Variants in ARL5A observed in about 807,000 individuals in gnomAD.
ARL5A encodes ADP-ribosylation factor-like protein 5A.
A neutral mutation model predicts 25.9 loss-of-function variants in ARL5A; 18 were observed. The ratio of observed to expected loss-of-function variants is 0.69; its 90% CI spans 0.48 to 1.03. The LOEUF is 1.03. ARL5A is among the 50% of genes least tolerant of loss of function. The pLI is 0.00. For missense variants in ARL5A, 170 were observed against 211.9 expected (o/e 0.80, Z 1.23); for synonymous variants, 61 against 67.5 (o/e 0.90, Z 0.47).
intron 3 of ARL5A, among the ~76,000 whole-genome samples, chr2:151,812,729 A>G (rs550468173): frequency 6.8e-4 from 104 of 152,280 alleles, no homozygotes; most frequent in African/African-American, 2.4e-3. Flanking sequence ...ACCTATATCT[A>G]TCTATTTGCA....
chr2:151,828,068 C>T (rs1284972598), intron 1 of ARL5A, 63 bp downstream of exon 1: 9 of 1,561,152 alleles, frequency 5.8e-6, no homozygotes, highest in Non-Finnish European at 7.9e-6. Flanking sequence ...TCGGAGACCC[C>T]CACCTAGCCG....
chr2:151,822,193 A>G lies in ARL5A; in HGVS notation c.46+5938T>C, dbSNP rs142648720. The stretch of plus-strand genomic sequence containing the variant: ...CTGGCCTAATTTTTGTATTTTTAGT[A>G]GAGATAGGGGTTTTGCCATGTTGGC... On this transcript the variant is annotated intron_variant, in intron 1 of 5. Transcript: ENST00000295087. Among the ~76,000 whole-genome samples, 12 of 152,050 alleles carry G rather than the reference A, an allele frequency of 7.9e-5. No individual in the cohort carries two copies. The East Asian group carries it at 2.3e-3, about 29-fold the overall frequency.
chr2:151,814,854 G>C (rs368115870), intron 2 of ARL5A, among the ~76,000 whole-genome samples: 2 of 152,052 alleles, frequency 1.3e-5, no homozygotes, highest in Non-Finnish European at 2.9e-5. Flanking sequence ...TGGGATAAAG[G>C]CATGAGGCAC....
At chr2:151,821,037 T>G (rs1246319831) in intron 1 of ARL5A, among the ~76,000 whole-genome samples, 1 of 152,224 alleles carries the variant, frequency 6.6e-6, no homozygotes, top group South Asian at 2.1e-4. Context: ...GTGACAAAGC[T>G]AGCTAAGCCT....
chr2:151,805,278 G>GT (rs1559817617), intron 5 of ARL5A, among the ~76,000 whole-genome samples: 1 of 151,794 alleles, frequency 6.6e-6, no homozygotes, highest in Non-Finnish European at 1.5e-5. Flanking sequence ...CCAAATGTCA[G>GT]TAACAGTGCC....
intron 1 of ARL5A, among the ~76,000 whole-genome samples, chr2:151,822,992 A>G (rs566214657): frequency 6.6e-6 from 1 of 152,356 alleles, no homozygotes; most frequent in African/African-American, 2.4e-5. Context: ...CATAATAATA[A>G]TTGTTATTGT....
At chr2:151,819,459 A>T (rs2099831958) in intron 1 of ARL5A, among the ~76,000 whole-genome samples, 1 of 151,632 alleles carries the variant, frequency 6.6e-6, no homozygotes, top group African/African-American at 2.4e-5. Flanking sequence ...AATGAGTGCC[A>T]TTTTTTTTTT....
At position 151,820,962 on chromosome 2, in the gene ARL5A, C is replaced by T. The variant is rs890400514; in HGVS notation, c.47-5763G>A. 2.6e-5 allele frequency among the ~76,000 whole-genome samples: 4 copies of T among 152,166 alleles called. No individual in the cohort carries two copies. The East Asian group carries it at 5.8e-4, about 22-fold the overall frequency. On this transcript the variant is annotated intron_variant, in intron 1 of 5. Coordinates refer to ENST00000295087, the MANE Select transcript of ARL5A (RefSeq NM_012097.4). ...TGGAGGACCCATAACCTTCTGTCTG[C>T]ACCTGAAAGTGAATAACTAAATCCA...
intron 1 of ARL5A, among the ~76,000 whole-genome samples, chr2:151,821,918 C>T (rs1252255371): frequency 1.3e-5 from 2 of 151,138 alleles, no homozygotes; most frequent in South Asian, 2.1e-4. Flanking sequence ...GGCATGATCT[C>T]GGCTCACTGC....
chr2:151,816,088 C>T (rs372901793), intron 1 of ARL5A, among the ~76,000 whole-genome samples: 1 of 152,160 alleles, frequency 6.6e-6, no homozygotes, highest in African/African-American at 2.4e-5. Context: ...AATGACCAGA[C>T]GTGATTTCTG....
At chr2:151,822,215 T>C (rs914698661) in intron 1 of ARL5A, among the ~76,000 whole-genome samples, 1 of 152,180 alleles carries the variant, frequency 6.6e-6, no homozygotes, top group African/African-American at 2.4e-5. Context: ...TTTGCCATGT[T>C]GGCCAAGCTG....
chr2:151,809,420 CTTTAA>C (rs941270362), intron 4 of ARL5A, among the ~76,000 whole-genome samples: 1 of 152,186 alleles, frequency 6.6e-6, no homozygotes, highest in Non-Finnish European at 1.5e-5. Flanking sequence ...AAGGTTCAAA[CTTTAA>C]TTTAGAGTTC....
intron 1 of ARL5A, among the ~76,000 whole-genome samples, chr2:151,820,733 G>A (rs1284290969): frequency 4.0e-5 from 6 of 149,216 alleles, no homozygotes; most frequent in East Asian, 1.9e-4. Context: ...AGAGAAAAGC[G>A]TGTCGGAGAC....
At position 151,800,242 on chromosome 2, in the gene ARL5A, G is replaced by A. The variant is rs1326487230; in HGVS notation, c.*3034C>T. 8.6e-5 allele frequency: 3 copies of A among 35,020 alleles called. No homozygotes were observed. Among genetic ancestry groups the A allele is most frequent in the Non-Finnish European group, 2.3e-4 (2 of 8,824 alleles). 2.2% of individuals were successfully genotyped at this position (35,020 alleles called of 1,614,324 possible). A position where few individuals can be genotyped will look rare whatever the true frequency, so the allele number is the denominator to read the frequency against. On this transcript the variant is annotated 3_prime_UTR_variant, in exon 6 of 6. Transcript: ENST00000295087. ...GTCTGTACTGTATGTGGTTGCTGTAGTGACAAGAAATGTAAAGTGCCTATA... is the reference window on the plus strand; with the variant it reads ...GTCTGTACTGTATGTGGTTGCTGTAATGACAAGAAATGTAAAGTGCCTATA...
chr2:151,818,148 A>G (rs764125810), intron 1 of ARL5A, among the ~76,000 whole-genome samples: 7 of 152,252 alleles, frequency 4.6e-5, no homozygotes, highest in Non-Finnish European at 8.8e-5. Context: ...AAATGTTGAA[A>G]AATGAATGAC....
At chr2:151,826,320 G>A (rs979091605) in intron 1 of ARL5A, among the ~76,000 whole-genome samples, 2 of 152,048 alleles carry the variant, frequency 1.3e-5, no homozygotes, top group African/African-American at 4.8e-5. Context: ...CCGCCAAACT[G>A]CCATAAATGT....
chr2:151,805,590 T>C (rs1278523123), intron 5 of ARL5A, among the ~76,000 whole-genome samples: 3 of 152,190 alleles, frequency 2.0e-5, no homozygotes, highest in South Asian at 2.1e-4. Flanking sequence ...TACACAAACC[T>C]AGATGGTATA....
chr2:151,807,690 G>A (rs985990241), intron 4 of ARL5A, among the ~76,000 whole-genome samples: 1 of 152,130 alleles, frequency 6.6e-6, no homozygotes, highest in Admixed American at 6.6e-5. Flanking sequence ...TTCTGTCATT[G>A]TATATGAAGA....
chr2:151,801,865 T>C lies in ARL5A; in HGVS notation c.*1411A>G, dbSNP rs2099829462. The C allele has an allele frequency of 1.3e-5, 2 of 152,028 alleles. No homozygotes were observed. Among genetic ancestry groups the C allele is most frequent in the Admixed American group, 1.3e-4 (2 of 15,264 alleles). 9.4% of individuals were successfully genotyped at this position (152,028 alleles called of 1,614,324 possible). A position where few individuals can be genotyped will look rare whatever the true frequency, so the allele number is the denominator to read the frequency against. ...AGGCATGAAAGATACATAAATAGAG[T>C]ACCCAAGAATATGTTTTAACACATT... On this transcript the variant is annotated 3_prime_UTR_variant, in exon 6 of 6. Transcript: ENST00000295087.
Sources: allele counts gnomAD v4.1 joint callset (sites outside exome capture counted in the v4.1 genomes callset), GRCh38; gene constraint gnomAD v4.1.1; transcripts MANE v1.5; gene names NCBI Gene and HGNC (gene_info 2026-07-23, HGNC 2026-07-21).